Variants in VPS13D observed in about 807,000 individuals in gnomAD.
VPS13D encodes the protein intermembrane lipid transfer protein VPS13D.
Under a neutral mutation model 461.9 loss-of-function variants are expected in VPS13D, and 187 were observed. That is an observed-to-expected ratio of 0.40 (90% CI 0.36 to 0.46). VPS13D has a LOEUF of 0.46. VPS13D is among the 20% of genes least tolerant of loss of function. The probability of loss-of-function intolerance (pLI) is 0.60; values close to 1 mark genes in which losing one functional copy is unlikely to be tolerated. For missense variants in VPS13D, 4,711 were observed against 5,364.9 expected (o/e 0.88, Z 3.81); for synonymous variants, 1,951 against 1,986.3 (o/e 0.98, Z 0.47).
At chr1:12,484,973 C>T (rs892726700) in intron 67 of VPS13D, among the ~76,000 whole-genome samples, 1 of 152,088 alleles carries the variant, frequency 6.6e-6, no homozygotes, top group Admixed American at 6.5e-5. Context: ...CGTGTACACA[C>T]ACGTGTGTGT....
chr1:12,345,153 C>G, intron 42 of VPS13D: 1 of 475,682 alleles, frequency 2.1e-6, no homozygotes, highest in Non-Finnish European at 3.8e-6. Flanking sequence ...ATAAATGCCA[C>G]TCTTACTCAG....
intron 29 of VPS13D, 36 bp from the exon 30 acceptor site, chr1:12,314,076 GTGT>G (rs757696551): frequency 5.1e-5 from 81 of 1,578,736 alleles, no homozygotes; most frequent in Non-Finnish European, 6.8e-5. Context: ...TGGAAGAGTT[GTGT>G]TTCACATCTT....
At position 12,456,111 on chromosome 1, in the gene VPS13D, C is replaced by A; in HGVS notation, c.12447C>A (p.Gly4149=). ...AATSGEHLVA[G]IHGLAHGIIG... ...CAAGTGGTGAACACCTTGTAGCCGG[C>A]ATCCATGGCCTGGCTCATGGTAAGT... Residue 4149 remains glycine, a synonymous_variant, in exon 66 of 70, where the codon GGC becomes GGA. Coordinates refer to ENST00000620676, the MANE Select transcript of VPS13D (RefSeq NM_015378.4). 1 of 1,612,760 alleles carries A rather than the reference C, an allele frequency of 6.2e-7. No homozygotes were observed. Among genetic ancestry groups the A allele is most frequent in the South Asian group, 1.1e-5 (1 of 90,858 alleles).
rs142731714 is a variant in VPS13D, at chr1:12,465,815, T to G, written c.12662+5419T>G. On this transcript the variant is annotated intron_variant, in intron 67 of 69. Transcript: ENST00000620676. ...CTCTTTTGGGTCACCAGAGCCTGAA[T>G]GCAGTCAGGTTGGACAGGTCAGCAA... 1.3e-4 allele frequency among the ~76,000 whole-genome samples: 20 copies of G among 152,318 alleles called. No individual in the cohort carries two copies. In the East Asian group the frequency reaches 3.9e-3, roughly 29 times the overall value.
In VPS13D at chr1:12,257,071, G is replaced by A. The variant is rs944352155; in HGVS notation, c.925G>A (p.Val309Met). 2 of 1,614,138 alleles carry A rather than the reference G, an allele frequency of 1.2e-6. No individual in the cohort carries two copies. The highest frequency in any genetic ancestry group is 1.7e-6 in the Non-Finnish European group (2 of 1,179,998). Residue 309 changes from valine (V) to methionine (M), a missense_variant, in exon 9 of 70, where the codon GTG (valine) becomes ATG (methionine). Around this residue, in one of 3 missense-constraint regions of VPS13D, gnomAD observed 4,411 missense variants for 4,937.8 expected, o/e 0.89. Transcript: ENST00000620676. ...GAAGTTCCGAAGGTGGAAACCCAAGGTGGCGATATCTAAGAAGTAAGGGCT... is the reference window on the plus strand; with the variant it reads ...GAAGTTCCGAAGGTGGAAACCCAAGATGGCGATATCTAAGAAGTAAGGGCT... ...QVKFRRWKPKVAISKNCREWW... is the reference protein window; with the variant it reads ...QVKFRRWKPKMAISKNCREWW...
chr1:12,282,778 A>G lies in VPS13D; in HGVS notation c.4676A>G (p.Asn1559Ser). ...LDNLVYSEDL[N>S]KYPASATSSP... ...AATCTCGTGTACAGTGAAGATCTGA[A>G]TAAGTATCCAGCCAGTGCTACCTCC... The change falls in exon 21 of 70, where the codon AAT (asparagine) becomes AGT (serine). Residue 1559 changes from asparagine (N) to serine (S), a missense_variant. By Grantham distance (46) the Asn-to-Ser change is conservative. This residue lies in a region of VPS13D where 4,411 missense variants were observed against 4,937.8 expected (regional missense o/e 0.89). Coordinates refer to ENST00000620676, the MANE Select transcript of VPS13D (RefSeq NM_015378.4). 3 of 1,614,126 alleles carry G rather than the reference A, an allele frequency of 1.9e-6. No homozygotes were observed. The highest frequency in any genetic ancestry group is 2.5e-6 in the Non-Finnish European group (3 of 1,180,012).
chr1:12,372,009 A>C (rs1324188113), intron 54 of VPS13D, among the ~76,000 whole-genome samples: 1 of 152,038 alleles, frequency 6.6e-6, no homozygotes, highest in African/African-American at 2.4e-5. Flanking sequence ...GAGAGGTTCC[A>C]ATTTCTCCAC....
intron 67 of VPS13D, among the ~76,000 whole-genome samples, chr1:12,485,928 A>G (rs1645791545): frequency 6.6e-6 from 1 of 152,212 alleles, no homozygotes; most frequent in South Asian, 2.1e-4. Context: ...GGTACCACCA[A>G]GCTGCCAGCT....
At chr1:12,498,256 CAGTT>C (rs1645986937) in intron 68 of VPS13D, among the ~76,000 whole-genome samples, 1 of 152,156 alleles carries the variant, frequency 6.6e-6, no homozygotes, top group Non-Finnish European at 1.5e-5. Context: ...CCACAGAAAG[CAGTT>C]AGTTGTGTCT....
At chr1:12,481,427 G>A (rs980851040) in intron 67 of VPS13D, among the ~76,000 whole-genome samples, 6 of 152,066 alleles carry the variant, frequency 3.9e-5, no homozygotes, top group Non-Finnish European at 5.9e-5. Context: ...TATATATATC[G>A]ATTTCCAGGC....
At position 12,279,773 on chromosome 1, in the gene VPS13D, A is replaced by G; in HGVS notation, c.4602+123A>G. 4 of 871,342 alleles carry G rather than the reference A, an allele frequency of 4.6e-6. No homozygotes were observed. Among genetic ancestry groups the G allele is most frequent in the Non-Finnish European group, 6.3e-6 (4 of 630,680 alleles). The allele number at this position is 871,342 out of a possible 1,614,324, so 54.0% of individuals were successfully genotyped here. On this transcript the variant is annotated intron_variant, in intron 20 of 69. Coordinates refer to ENST00000620676, the MANE Select transcript of VPS13D (RefSeq NM_015378.4). This position sits in a 1 kb window ranked among gnomAD's most constrained non-coding sequence, Gnocchi z 4.3. ...ATTTTCAAAGATATATCACCCATGC[A>G]TAATACCATTGTTGAAACCTTGTTC...
At chr1:12,397,040 C>G (rs765349303) in intron 60 of VPS13D, among the ~76,000 whole-genome samples, 13 of 152,108 alleles carry the variant, frequency 8.5e-5, no homozygotes, top group Admixed American at 6.6e-5. Context: ...TTCAAGTGAT[C>G]CTCCAGCTTC....
At chr1:12,423,778 C>T (rs951423661) in intron 65 of VPS13D, among the ~76,000 whole-genome samples, 1 of 152,178 alleles carries the variant, frequency 6.6e-6, no homozygotes, top group African/African-American at 2.4e-5. Context: ...ATACTATGAC[C>T]TTGTTGAGGA....
In VPS13D at chr1:12,260,906, T is replaced by C. The variant is rs747979971; in HGVS notation, c.1213-42T>C. 18 of 1,613,612 alleles carry C rather than the reference T, an allele frequency of 1.1e-5. No individual in the cohort carries two copies. In the South Asian group the frequency reaches 2.0e-4, roughly 18 times the overall value. Reference sequence around the variant, plus strand: ...ACAGCAGCATATCACAGCTTGCTTTTATCTTTGAGTACTCATCTCTGCTCC... The same window carrying C: ...ACAGCAGCATATCACAGCTTGCTTTCATCTTTGAGTACTCATCTCTGCTCC... On this transcript the variant is annotated intron_variant, in intron 11 of 69. Transcript: ENST00000620676.
intron 13 of VPS13D, among the ~76,000 whole-genome samples, chr1:12,264,179 C>G (rs563538213): frequency 6.6e-6 from 1 of 152,156 alleles, no homozygotes; most frequent in African/African-American, 2.4e-5. Context: ...TCCAACTGCT[C>G]CACCGACTGG....
rs1398725569 is a variant in VPS13D, at chr1:12,511,873, G to A, written c.*2849G>A. 1 of 152,156 alleles carries A rather than the reference G, an allele frequency of 6.6e-6. No homozygotes were observed. The highest frequency in any genetic ancestry group is 6.5e-5 in the Admixed American group (1 of 15,278). The allele number at this position is 152,156 out of a possible 1,614,324, so 9.4% of individuals were successfully genotyped here. A position where few individuals can be genotyped will look rare whatever the true frequency, so the allele number is the denominator to read the frequency against. ...CCAGGGCCACTTTGTTTGTAAGTAT[G>A]ATCTGGGCCTCAAAATACCATAGTA... On this transcript the variant is annotated 3_prime_UTR_variant, in exon 70 of 70. Transcript: ENST00000620676. The surrounding 1 kb of genome is among the most constrained non-coding windows in gnomAD (Gnocchi z 4.5).
rs761126840 is a variant in VPS13D at position 12,268,821 on chromosome 1, G to T, written c.1917G>T (p.Pro639=). The T allele has an allele frequency of 6.2e-7, 1 of 1,613,484 alleles. No individual in the cohort carries two copies. The highest frequency in any genetic ancestry group is 8.5e-7 in the Non-Finnish European group (1 of 1,179,746). Residue 639 remains proline (P), a synonymous_variant, in exon 16 of 70, where the codon CCG becomes CCT. Transcript: ENST00000620676. ...STRPLNIIYN[P]QAIKKVADFF... is the part of the protein sequence containing the mutation. Reference sequence around the variant, plus strand: ...GGCCCTTGAACATCATATACAATCCGCAGGCCATTAAAAAAGTAGCAGACT... The same window carrying T: ...GGCCCTTGAACATCATATACAATCCTCAGGCCATTAAAAAAGTAGCAGACT...
At chr1:12,411,794 C>T (rs773408183) in intron 63 of VPS13D, among the ~76,000 whole-genome samples, 14 of 152,194 alleles carry the variant, frequency 9.2e-5, no homozygotes, top group Non-Finnish European at 2.1e-4. Context: ...ACCTCAGTCT[C>T]ATGTCCAGCG....
rs1316935465 is a variant in VPS13D, at chr1:12,346,586, C to T, written c.9022-19C>T. Reference sequence around the variant, plus strand: ...TATCTTAAGTCTGTGCTGACTCTAACTTTTGAAATCTTTTTCAGATTGGCA... The same window carrying T: ...TATCTTAAGTCTGTGCTGACTCTAATTTTTGAAATCTTTTTCAGATTGGCA... On this transcript the variant is annotated intron_variant, in intron 43 of 69. Transcript: ENST00000620676. The T allele has an allele frequency of 1.2e-6, 2 of 1,612,070 alleles. No individual in the cohort carries two copies. The highest frequency in any genetic ancestry group is 2.7e-5 in the African/African-American group (2 of 74,794).
Sources: gnomAD v4.1 joint callset for allele counts (sites outside exome capture counted in the v4.1 genomes callset) on GRCh38, gnomAD v4.1.1 for gene constraint, gnomAD v4.1.1 regional missense constraint, Gnocchi (gnomAD v3.1) non-coding constraint, MANE v1.5 for transcripts, NCBI Gene and HGNC (gene_info 2026-07-23, HGNC 2026-07-21) for gene names.